GEM: variants seen among roughly 807,000 people sequenced by gnomAD.
GEM encodes the protein GTP binding protein overexpressed in skeletal muscle, also known as GTP-binding protein GEM.
GEM carries 31 observed loss-of-function variants against 33.0 expected under a neutral mutation model. The ratio of observed to expected loss-of-function variants is 0.94; its 90% CI spans 0.71 to 1.27. The LOEUF (loss-of-function observed/expected upper bound fraction) is 1.27, where lower values mean the gene tolerates loss of function less well. Ranked by LOEUF, GEM falls within the 50% of genes most tolerant of loss-of-function variation. GEM has a pLI of 0.00. For missense variants in GEM, 354 were observed against 390.5 expected, an observed-to-expected ratio of 0.91 and a Z score of 0.79; for synonymous variants, 141 against 143.7, an observed-to-expected ratio of 0.98 and a Z score of 0.13.
At position 94,253,055 on chromosome 8, in the gene GEM, A is replaced by C. The variant is rs1808812137; in HGVS notation, c.389T>G (p.Leu130Arg). 3 of 1,588,006 alleles carry C rather than the reference A, an allele frequency of 1.9e-6. No homozygotes were observed. Among genetic ancestry groups the C allele is most frequent in the Non-Finnish European group, 2.6e-6 (3 of 1,156,220 alleles). ...VDGESATIIL[L>R]DMWENKGENE... The stretch of plus-strand genomic sequence containing the variant: ...GCATACCTTATTTTCCCACATATCC[A>C]GGAGTATAATCGTTGCACTTTCCCC... Residue 130 changes from leucine (L) to arginine (R), a missense_variant, in exon 3 of 5, where the codon CTG becomes CGG. Coordinates refer to ENST00000297596, the MANE Select transcript of GEM (RefSeq NM_005261.4).
chr8:94,258,938 T>C (rs551748541), intron 2 of GEM, among the ~76,000 whole-genome samples: 1 of 152,272 alleles, frequency 6.6e-6, no homozygotes, highest in East Asian at 1.9e-4. Flanking sequence ...ACAAAGTGCC[T>C]CTCCCGTTGC....
Sources: gnomAD v4.1 joint callset for allele counts (sites outside exome capture counted in the v4.1 genomes callset) on GRCh38, gnomAD v4.1.1 for gene constraint, MANE v1.5 for transcripts, NCBI Gene and HGNC (gene_info 2026-07-23, HGNC 2026-07-21) for gene names.